Variants in PAPLN observed in about 807,000 individuals in gnomAD.
The protein encoded by PAPLN is papilin, proteoglycan like sulfated glycoprotein, also known as papilin.
Under a neutral mutation model 159.0 loss-of-function variants are expected in PAPLN, and 146 were observed. The ratio of observed to expected loss-of-function variants is 0.92; its 90% confidence interval spans 0.80 to 1.05. The LOEUF is 1.05. Ranked by LOEUF, PAPLN falls within the 50% of genes least tolerant of loss-of-function variation. The pLI, the probability that PAPLN is intolerant of heterozygous loss-of-function variation, is 0.00. For synonymous variants in PAPLN, 734 were observed against 702.9 expected, an observed-to-expected ratio of 1.04 and a Z score of -0.70; for missense variants, 1,720 against 1,743.9, an observed-to-expected ratio of 0.99 and a Z score of 0.24.
chr14:73,263,629 C>T lies in PAPLN; in HGVS notation c.2724-16C>T. On this transcript the variant is annotated splice_polypyrimidine_tract_variant and intron_variant, in intron 19 of 26. Transcript: ENST00000644200. ...CGCTCATGCCAGTCAGCAGATCTCA[C>T]TTCCCACCTCTCCAGGATTAGCTTG... is the stretch of plus-strand genomic sequence containing the variant. The T allele has an allele frequency of 6.2e-7, 1 of 1,613,612 alleles. No individual in the cohort carries two copies. Among genetic ancestry groups the T allele is most frequent in the Non-Finnish European group, 8.5e-7 (1 of 1,179,992 alleles).
At chr14:73,267,411 C>T (rs1267130207) in intron 25 of PAPLN, among the ~76,000 whole-genome samples, 1 of 152,186 alleles carries the variant, frequency 6.6e-6, no homozygotes, top group Non-Finnish European at 1.5e-5. Context: ...TCACCTGAGC[C>T]CCCAGAGTAC....
chr14:73,259,426 G>T lies in PAPLN; in HGVS notation c.1866G>T (p.Arg622=). ...AGCCCCCATACCAGCAACCCCTGCG[G>T]TCGGGCTCAGGGCCCCACGACTGCA... ...LQQPPYQQPL[R]SGSGPHDCRH... Residue 622 remains arginine (R), a synonymous_variant, in exon 16 of 27, where the codon CGG becomes CGT. Coordinates refer to ENST00000644200, the MANE Select transcript of PAPLN (RefSeq NM_001365906.3). The T allele has an allele frequency of 6.2e-7, 1 of 1,612,920 alleles. No individual in the cohort carries two copies. Among genetic ancestry groups the T allele is most frequent in the South Asian group, 1.1e-5 (1 of 90,936 alleles).
At position 73,272,743 on chromosome 14, in the gene PAPLN, C is replaced by T. The variant is rs759175651; in HGVS notation, c.*79C>T. The T allele has an allele frequency of 3.9e-5, 53 of 1,366,658 alleles. No individual in the cohort carries two copies. Among genetic ancestry groups the T allele is most frequent in the Non-Finnish European group, 4.8e-5 (50 of 1,034,482 alleles). 84.7% of individuals were successfully genotyped at this position (1,366,658 alleles called of 1,614,324 possible). ...AAGGAAGATGGACTCTTGGCTTCCT[C>T]TCTCTGGCTGGCAAAGGGAGTTATC... On this transcript the variant is annotated 3_prime_UTR_variant, in exon 27 of 27. Transcript: ENST00000644200.
In PAPLN at chr14:73,244,755, C is replaced by A; in HGVS notation, c.166C>A (p.Gln56Lys). 2.6e-6 allele frequency: 4 copies of A among 1,556,514 alleles called. No homozygotes were observed. Among genetic ancestry groups the A allele is most frequent in the East Asian group, 2.4e-5 (1 of 41,942 alleles). The change falls in exon 3 of 27, where the codon CAG becomes AAG. Residue 56 changes from glutamine to lysine, a missense_variant. Physicochemically the swap from Gln to Lys is moderately conservative, Grantham distance 53. Transcript: ENST00000644200. ...VSFRERPCYS[Q>K]RRDGGSSCVG... ...CTTCCGGGAGCGCCCCTGCTACTCC[C>A]AGAGGTAGGAGAGATGAAAATGGGC...
intron 7 of PAPLN, among the ~76,000 whole-genome samples, chr14:73,251,264 C>G (rs1885222216): frequency 6.6e-6 from 1 of 152,198 alleles, no homozygotes; most frequent in Non-Finnish European, 1.5e-5. Flanking sequence ...CCATCCCTTC[C>G]CACTCCCAGT....
intron 25 of PAPLN, among the ~76,000 whole-genome samples, chr14:73,268,153 G>C (rs1240600691): frequency 6.6e-6 from 1 of 151,878 alleles, no homozygotes; most frequent in Non-Finnish European, 1.5e-5. Context: ...CTGTGCCTCA[G>C]GGCCTGTCCT....
chr14:73,255,444 G>A lies in PAPLN; in HGVS notation c.1627+426G>A, dbSNP rs550682151. Among the ~76,000 whole-genome samples, 76 of 152,244 alleles carry A rather than the reference G, an allele frequency of 5.0e-4. 1 individual carries two copies. The highest frequency in any genetic ancestry group is 6.8e-3 in the Middle Eastern group (2 of 294). On this transcript the variant is annotated intron_variant, in intron 14 of 26. Coordinates refer to ENST00000644200, the MANE Select transcript of PAPLN (RefSeq NM_001365906.3). The stretch of plus-strand genomic sequence containing the variant: ...GTTAGGTACTCAGTGAATGTCTGTT[G>A]AATGACTGAGTGACTGACTGTGTGC...
intron 5 of PAPLN, 122 bp downstream of exon 5, chr14:73,246,297 T>C (rs1884315369): frequency 1.1e-6 from 1 of 878,770 alleles, no homozygotes; most frequent in East Asian, 3.4e-5. Context: ...AGTCTCACTG[T>C]GTTGCCCAGG....
At position 73,250,112 on chromosome 14, in the gene PAPLN, C is replaced by A; in HGVS notation, c.463C>A (p.Arg155=). ...GGATGTCTGTGTGGATGGCAGCTGC[C>A]GGGTGAGTGGTGCCCCAGCCCCTCC... ...KRDVCVDGSC[R]VVGCDHELDS... is the part of the protein sequence containing the mutation. Residue 155 remains arginine, a splice_region_variant and synonymous_variant, in exon 6 of 27, where the codon CGG becomes AGG. Transcript: ENST00000644200. 3.7e-6 allele frequency: 6 copies of A among 1,605,742 alleles called. No homozygotes were observed. Among genetic ancestry groups the A allele is most frequent in the Non-Finnish European group, 5.1e-6 (6 of 1,176,346 alleles).
chr14:73,255,465 TGTGCTGAGGGAAGG>T (rs1438358045), intron 14 of PAPLN, among the ~76,000 whole-genome samples: 2 of 152,162 alleles, frequency 1.3e-5, no homozygotes, highest in African/African-American at 4.8e-5. Flanking sequence ...TGACTGACTG[TGTGCTGAGGGAAGG>T]AGGCAGTCCA....
In PAPLN at chr14:73,273,521, C is replaced by T. The variant is rs1189309596; in HGVS notation, c.*857C>T. The T allele has an allele frequency of 6.6e-6, 1 of 152,142 alleles. No homozygotes were observed. Among genetic ancestry groups the T allele is most frequent in the African/African-American group, 2.4e-5 (1 of 41,394 alleles). The allele number at this position is 152,142 out of a possible 1,614,324, so 9.4% of individuals were successfully genotyped here. A position where few individuals can be genotyped will look rare whatever the true frequency, so the allele number is the denominator to read the frequency against. On this transcript the variant is annotated 3_prime_UTR_variant, in exon 27 of 27. Coordinates refer to ENST00000644200, the MANE Select transcript of PAPLN (RefSeq NM_001365906.3). The stretch of plus-strand genomic sequence containing the variant: ...GTCAGACTGGTCTTGAACTCCCGAC[C>T]TCAGGTAATCCGCCCGCCTCGGCCT...
intron 24 of PAPLN, 23 bp downstream of exon 24, chr14:73,266,651 C>T (rs765703331): frequency 1.2e-6 from 2 of 1,614,042 alleles, no homozygotes; most frequent in Non-Finnish European, 1.7e-6. Context: ...TCCTGAGTGG[C>T]CTTTGAGGTC....
At chr14:73,266,254 G>C (rs150619831) in intron 23 of PAPLN, among the ~76,000 whole-genome samples, 4,008 of 152,304 alleles carry the variant, frequency 0.026, 179 homozygotes, top group African/African-American at 0.091. Context: ...AGAATTGCTT[G>C]AACCTGGGTG....
At chr14:73,254,854 T>C in intron 13 of PAPLN, 23 bp from the exon 14 acceptor site, 1 of 1,608,990 alleles carries the variant, frequency 6.2e-7, no homozygotes, top group Non-Finnish European at 8.5e-7. Context: ...AGCATCTCTC[T>C]CTCTCCCACT....
Position 73,266,494 on chromosome 14 carries a change from TC to T in PAPLN, c.3264-3del. On this transcript the variant is annotated splice_polypyrimidine_tract_variant and splice_region_variant and intron_variant, in intron 23 of 26. Transcript: ENST00000644200. ...GCTGGAGCCAACTGGCTGTACTTGG[TC>T]CCCAGACACCAGCTGCAGCCTGATG... The T allele has an allele frequency of 1.9e-6, 3 of 1,613,666 alleles. No individual in the cohort carries two copies. Among genetic ancestry groups the T allele is most frequent in the Non-Finnish European group, 2.5e-6 (3 of 1,179,822 alleles).
At chr14:73,238,474 GC>G (rs1332292096) in intron 1 of PAPLN, among the ~76,000 whole-genome samples, 59 of 152,282 alleles carry the variant, frequency 3.9e-4, no homozygotes, top group Non-Finnish European at 1.0e-4. Flanking sequence ...CTTCGGAATG[GC>G]AGATATGGGC....
rs759160542 is a variant in PAPLN, at chr14:73,263,788, TGAGAGTCCCCCCACCTCCTCTGACAG to T, written c.2861+8_2861+33del. On this transcript the variant is annotated splice_region_variant and intron_variant, in intron 20 of 26. Coordinates refer to ENST00000644200, the MANE Select transcript of PAPLN (RefSeq NM_001365906.3). ...CAGCCCATCTCCTCTGACAGGTGGG[TGAGAGTCCCCCCACCTCCTCTGACAG>T]GTGTGACAGCCCCCCTACCTTCCCT... The T allele has an allele frequency of 2.5e-6, 4 of 1,598,964 alleles. No individual in the cohort carries two copies. The highest frequency in any genetic ancestry group is 3.4e-6 in the Non-Finnish European group (4 of 1,178,690).
At chr14:73,251,169 C>G in intron 7 of PAPLN, 139 bp downstream of exon 7, 1 of 1,407,432 alleles carries the variant, frequency 7.1e-7, no homozygotes, top group South Asian at 1.4e-5. Flanking sequence ...CAGGTCACAT[C>G]TGAAAGGCCC....
In PAPLN at chr14:73,240,921, C is replaced by T. The variant is rs1883472404; in HGVS notation, c.54+1089C>T. Among the ~76,000 whole-genome samples the T allele has an allele frequency of 3.3e-5, 5 of 152,130 alleles. 1 individual carries two copies. The South Asian group carries it at 1.0e-3, about 32-fold the overall frequency. On this transcript the variant is annotated intron_variant, in intron 2 of 26. Coordinates refer to ENST00000644200, the MANE Select transcript of PAPLN (RefSeq NM_001365906.3). The stretch of plus-strand genomic sequence containing the variant: ...AGGAGAAATCTCCCAGGGTGACCCA[C>T]AGCCCTGCCCACCCCTCTGTGAGGC...
Sources: gnomAD v4.1 joint callset for allele counts (sites outside exome capture counted in the v4.1 genomes callset) on GRCh38, gnomAD v4.1.1 for gene constraint, MANE v1.5 for transcripts, NCBI Gene and HGNC (gene_info 2026-07-23, HGNC 2026-07-21) for gene names.